Variants in SRGAP1 observed in about 807,000 individuals in gnomAD.
SRGAP1 encodes SLIT-ROBO Rho GTPase activating protein 1, also known as SLIT-ROBO Rho GTPase-activating protein 1.
In SRGAP1, 43 loss-of-function variants were observed where a neutral mutation model predicts 121.9. The ratio of observed to expected loss-of-function variants is 0.35; its 90% CI spans 0.28 to 0.46. The LOEUF (loss-of-function observed/expected upper bound fraction) is 0.46. Among genes scored for constraint, SRGAP1 ranks in the 20% least tolerant of loss-of-function variants. SRGAP1 has a pLI of 1.00. For synonymous variants in SRGAP1, 447 were observed against 485.4 expected (o/e 0.92, Z 1.04); for missense variants, 1,102 against 1,350.9 (o/e 0.82, Z 2.89).
intron 1 of SRGAP1, among the ~76,000 whole-genome samples, chr12:63,845,457 C>T (rs1898872707): frequency 6.6e-6 from 1 of 152,152 alleles, no homozygotes; most frequent in Non-Finnish European, 1.5e-5. Context: ...CTAGTGGAAT[C>T]TGACTCTTCC....
chr12:64,066,381 T>C (rs1454366183), intron 8 of SRGAP1, among the ~76,000 whole-genome samples: 1 of 152,210 alleles, frequency 6.6e-6, no homozygotes, highest in African/African-American at 2.4e-5. Context: ...TTGGCCAACC[T>C]GGAGAATGTG....
At chr12:64,088,076 CTGGTA>C (rs1160073282) in intron 11 of SRGAP1, among the ~76,000 whole-genome samples, 1 of 152,208 alleles carries the variant, frequency 6.6e-6, no homozygotes, top group African/African-American at 2.4e-5. Context: ...ATTTAGAACA[CTGGTA>C]TATCTGCTGC....
intron 3 of SRGAP1, among the ~76,000 whole-genome samples, chr12:64,004,433 G>A (rs746898334): frequency 2.6e-5 from 4 of 152,012 alleles, no homozygotes; most frequent in South Asian, 2.1e-4. Flanking sequence ...GTGCAGTGGC[G>A]TGGTCTCAGC....
intron 1 of SRGAP1, among the ~76,000 whole-genome samples, chr12:63,851,391 G>A (rs746643733): frequency 2.0e-5 from 3 of 151,854 alleles, no homozygotes; most frequent in African/African-American, 4.8e-5. Context: ...CCAGGAGTTC[G>A]AGACCAGCCT....
chr12:64,071,552 T>C (rs1593099755), intron 8 of SRGAP1, among the ~76,000 whole-genome samples: 1 of 152,262 alleles, frequency 6.6e-6, no homozygotes, highest in Middle Eastern at 3.4e-3. Flanking sequence ...AGGCATGTGC[T>C]TGTGAGAAAT....
chr12:64,129,887 T>C (rs1258442510), intron 21 of SRGAP1, among the ~76,000 whole-genome samples: 6 of 152,258 alleles, frequency 3.9e-5, no homozygotes, highest in Non-Finnish European at 8.8e-5. Flanking sequence ...AGTCCCTGTT[T>C]CCACGTGGTC....
chr12:63,982,075 T>C (rs2033268888), intron 1 of SRGAP1, among the ~76,000 whole-genome samples: 1 of 151,948 alleles, frequency 6.6e-6, no homozygotes, highest in Non-Finnish European at 1.5e-5. Context: ...TAGCCAGGCA[T>C]GGTGGCAGGC....
chr12:64,101,218 T>C (rs1380090580), intron 15 of SRGAP1, among the ~76,000 whole-genome samples: 1 of 152,108 alleles, frequency 6.6e-6, no homozygotes, highest in Non-Finnish European at 1.5e-5. Flanking sequence ...ATAGAAAAAC[T>C]TCCCTTTTCA....
At position 64,155,129 on chromosome 12, in the gene SRGAP1, C is replaced by G. The variant is rs1318560749; in HGVS notation, c.*12457C>G. On this transcript the variant is annotated 3_prime_UTR_variant, in exon 22 of 22. Coordinates refer to ENST00000355086, the MANE Select transcript of SRGAP1 (RefSeq NM_020762.4). ...GCATGATCTTGGCTCACCGCAACCT[C>G]TGCCTCCCAGGCTCAAGTGATCCTC... is the stretch of plus-strand genomic sequence containing the variant. 1 of 152,206 alleles carries G rather than the reference C, an allele frequency of 6.6e-6. No individual in the cohort carries two copies. The highest frequency in any genetic ancestry group is 1.5e-5 in the Non-Finnish European group (1 of 68,148). The allele number at this position is 152,206 out of a possible 1,614,324, so 9.4% of individuals were successfully genotyped here.
intron 18 of SRGAP1, among the ~76,000 whole-genome samples, chr12:64,122,523 T>C (rs2136631350): frequency 6.6e-6 from 1 of 152,340 alleles, no homozygotes; most frequent in South Asian, 2.1e-4. Context: ...TAAAATGTTC[T>C]GCTGATTTAT....
intron 3 of SRGAP1, among the ~76,000 whole-genome samples, chr12:63,995,236 T>A (rs1280859934): frequency 1.3e-5 from 2 of 152,238 alleles, no homozygotes; most frequent in Non-Finnish European, 2.9e-5. Context: ...ATTCATCTTG[T>A]TTCTTCACCA....
chr12:63,872,483 CT>C (rs1899888087), intron 1 of SRGAP1, among the ~76,000 whole-genome samples: 1 of 152,126 alleles, frequency 6.6e-6, no homozygotes, highest in African/African-American at 2.4e-5. Context: ...GTCCTTTCTC[CT>C]TTTTTCCCTT....
In SRGAP1 at chr12:64,146,336, G is replaced by A. The variant is rs905282707; in HGVS notation, c.*3664G>A. ...GATATAGTGCTCCAAGAGTCAAATT[G>A]TATCCGTTAAGGGTTTTCTAACTTT... On this transcript the variant is annotated 3_prime_UTR_variant, in exon 22 of 22. Transcript: ENST00000355086. 7.2e-5 allele frequency: 11 copies of A among 152,124 alleles called. No individual in the cohort carries two copies. The highest frequency in any genetic ancestry group is 6.5e-4 in the Admixed American group (10 of 15,272). 9.4% of individuals were successfully genotyped at this position (152,124 alleles called of 1,614,324 possible).
intron 3 of SRGAP1, among the ~76,000 whole-genome samples, chr12:64,011,907 G>A (rs962853446): frequency 6.6e-6 from 1 of 152,050 alleles, no homozygotes. Context: ...CTTGAGCCCA[G>A]CCTGGGCAAC....
chr12:64,141,579 T>TG (rs991550008), intron 21 of SRGAP1, among the ~76,000 whole-genome samples: 204 of 151,612 alleles, frequency 1.3e-3, no homozygotes, highest in African/African-American at 4.1e-3. Flanking sequence ...GACTGCATCT[T>TG]GGGGGGGGAA....
At chr12:64,127,505 T>C (rs2036711794) in intron 19 of SRGAP1, 85 bp from the exon 20 acceptor site, 2 of 1,376,170 alleles carry the variant, frequency 1.5e-6, no homozygotes, top group Non-Finnish European at 2.0e-6. Context: ...TGCTATCACG[T>C]AAATTTTCAT....
intron 21 of SRGAP1, among the ~76,000 whole-genome samples, chr12:64,131,750 C>G (rs2036788022): frequency 6.6e-6 from 1 of 152,214 alleles, no homozygotes; most frequent in Admixed American, 6.5e-5. Context: ...GCACGACCCG[C>G]TTTATGGCTA....
intron 16 of SRGAP1, among the ~76,000 whole-genome samples, chr12:64,109,854 C>T (rs1341825759): frequency 6.6e-6 from 1 of 152,136 alleles, no homozygotes; most frequent in African/African-American, 2.4e-5. Context: ...TTCTCAGAAG[C>T]CACGGTGATT....
chr12:63,892,045 T>C (rs567984160), intron 1 of SRGAP1, among the ~76,000 whole-genome samples: 65 of 151,768 alleles, frequency 4.3e-4, no homozygotes, highest in African/African-American at 1.4e-3. Flanking sequence ...GAAAAAATAT[T>C]CATTCCAGAA....
Sources: gnomAD v4.1 joint callset for allele counts (sites outside exome capture counted in the v4.1 genomes callset) on GRCh38, gnomAD v4.1.1 for gene constraint, MANE v1.5 for transcripts, NCBI Gene and HGNC (gene_info 2026-07-23, HGNC 2026-07-21) for gene names.